Variants in KIF13B observed in about 807,000 individuals in gnomAD.
KIF13B encodes kinesin family member 13B, also known as kinesin-like protein KIF13B.
KIF13B carries 127 observed loss-of-function variants against 222.0 expected under a neutral mutation model. The ratio of observed to expected loss-of-function variants is 0.57; its 90% CI spans 0.50 to 0.66. The LOEUF (loss-of-function observed/expected upper bound fraction) is 0.66. KIF13B is among the 30% of genes least tolerant of loss of function. The pLI is 0.00. For synonymous variants in KIF13B, 976 were observed against 919.0 expected (o/e 1.06, Z -1.12); for missense variants, 2,173 against 2,379.0 (o/e 0.91, Z 1.80).
Position 29,070,551 on chromosome 8 carries a change from C to A in KIF13B, c.5434G>T (p.Asp1812Tyr). 2 of 1,608,856 alleles carry A rather than the reference C, an allele frequency of 1.2e-6. No individual in the cohort carries two copies. Among genetic ancestry groups the A allele is most frequent in the South Asian group, 1.1e-5 (1 of 90,350 alleles). The change falls in exon 40 of 40, where the codon GAC becomes TAC. Residue 1812 changes from aspartate to tyrosine, a missense_variant. Physicochemically the swap from Asp to Tyr is radical, Grantham distance 160. Coordinates refer to ENST00000524189, the MANE Select transcript of KIF13B (RefSeq NM_015254.4). This position sits in a 1 kb window ranked among gnomAD's most constrained non-coding sequence, Gnocchi z 4.1. ...ASLTAALAKA[D>Y]RSHKNPENRK... ...TTCTCAGGGTTCTTGTGGCTCCTGT[C>A]GGCCTTGGCCAGGGCAGCTGTCAGC...
intron 1 of KIF13B, 29 bp downstream of exon 1, chr8:29,262,951 C>G: frequency 6.5e-7 from 1 of 1,547,004 alleles, no homozygotes; most frequent in South Asian, 1.2e-5. Flanking sequence ...CGCCTCCGCC[C>G]CGGCGGCCCA....
intron 18 of KIF13B, among the ~76,000 whole-genome samples, chr8:29,142,994 A>G (rs6998528): frequency 0.83 from 126,156 of 151,972 alleles, 53,008 homozygotes; most frequent in Non-Finnish European, 0.87. Flanking sequence ...TTAGGACCAC[A>G]GGTGCATGCC....
rs910242450 is a variant in KIF13B, at chr8:29,118,088, G to A, written c.3660+780C>T. Among the ~76,000 whole-genome samples, 2 of 151,970 alleles carry A rather than the reference G, an allele frequency of 1.3e-5. 1 individual carries two copies. Among genetic ancestry groups the A allele is most frequent in the African/African-American group, 4.8e-5 (2 of 41,270 alleles). ...CAAGAGGATCACTTGAACCCAGGAG[G>A]CAGAGATTGCAGTGAGCTGAGATCG... On this transcript the variant is annotated intron_variant, in intron 30 of 39. Transcript: ENST00000524189.
intron 2 of KIF13B, among the ~76,000 whole-genome samples, chr8:29,232,953 C>T (rs1234686081): frequency 3.3e-5 from 5 of 152,060 alleles, no homozygotes; most frequent in Non-Finnish European, 5.9e-5. Flanking sequence ...GTCAGGAGTT[C>T]GAGACCAGCC....
chr8:29,156,213 C>T (rs940171907), intron 13 of KIF13B, among the ~76,000 whole-genome samples: 1 of 152,086 alleles, frequency 6.6e-6, no homozygotes, highest in African/African-American at 2.4e-5. Context: ...TCAAGTGATC[C>T]ACCTGTCTTG....
intron 12 of KIF13B, among the ~76,000 whole-genome samples, chr8:29,162,313 T>C (rs1811816574): frequency 6.6e-6 from 1 of 152,232 alleles, no homozygotes; most frequent in African/African-American, 2.4e-5. Context: ...CATCGTAATT[T>C]ATACAATCAC....
At chr8:29,200,159 G>C (rs1813630153) in intron 2 of KIF13B, among the ~76,000 whole-genome samples, 1 of 152,096 alleles carries the variant, frequency 6.6e-6, no homozygotes, top group Non-Finnish European at 1.5e-5. Flanking sequence ...GATTCTGATG[G>C]CTATGACAGT....
At chr8:29,103,997 C>T (rs1001917979) in intron 35 of KIF13B, among the ~76,000 whole-genome samples, 1 of 152,180 alleles carries the variant, frequency 6.6e-6, no homozygotes, top group Non-Finnish European at 1.5e-5. Context: ...GGTCTCCCCC[C>T]ATCCTCACCC....
intron 10 of KIF13B, among the ~76,000 whole-genome samples, chr8:29,170,779 A>G (rs1489097979): frequency 6.6e-6 from 1 of 152,204 alleles, no homozygotes; most frequent in African/African-American, 2.4e-5. Context: ...CACGCCATTA[A>G]AGAATTTGGA....
intron 2 of KIF13B, among the ~76,000 whole-genome samples, chr8:29,206,995 T>C (rs778281367): frequency 9.2e-5 from 14 of 152,124 alleles, no homozygotes; most frequent in Non-Finnish European, 1.9e-4. Context: ...CCTCCTGGTT[T>C]ACCACGCAAC....
intron 35 of KIF13B, among the ~76,000 whole-genome samples, chr8:29,103,974 T>C (rs1311887342): frequency 1.3e-5 from 2 of 152,054 alleles, no homozygotes; most frequent in African/African-American, 4.8e-5. Flanking sequence ...CCCTGCAGCG[T>C]TGCACCTGAA....
rs879120984 is a variant in KIF13B at position 29,072,286 on chromosome 8, C to T, written c.4552G>A (p.Val1518Met). The change falls in exon 39 of 40, where the codon GTG becomes ATG. Residue 1518 changes from valine (V) to methionine (M), a missense_variant. By Grantham distance (21) the Val-to-Met change is conservative (BLOSUM62 1). Around this residue, in one of 2 missense-constraint regions of KIF13B, gnomAD observed 693 missense variants for 656.2 expected, o/e 1.06. Transcript: ENST00000524189. ...AAGGCCGGGGCCCCCATCGTCTGCACCAGCACGTCAGGGCCCATCTCCGGC... is the reference window on the plus strand; with the variant it reads ...AAGGCCGGGGCCCCCATCGTCTGCATCAGCACGTCAGGGCCCATCTCCGGC... ...AQPEMGPDVL[V>M]QTMGAPALKI... The T allele has an allele frequency of 6.8e-7, 1 of 1,462,908 alleles. No individual in the cohort carries two copies. Among genetic ancestry groups the T allele is most frequent in the South Asian group, 1.5e-5 (1 of 68,372 alleles). The allele number at this position is 1,462,908 out of a possible 1,614,324, so 90.6% of individuals were successfully genotyped here.
At chr8:29,249,256 C>T (rs950156957) in intron 1 of KIF13B, among the ~76,000 whole-genome samples, 4 of 151,760 alleles carry the variant, frequency 2.6e-5, no homozygotes, top group Admixed American at 6.6e-5. Flanking sequence ...GGTGAAACCC[C>T]GTCTCTACTA....
chr8:29,255,593 C>A (rs556274541), intron 1 of KIF13B, among the ~76,000 whole-genome samples: 1 of 152,136 alleles, frequency 6.6e-6, no homozygotes, highest in South Asian at 2.1e-4. Flanking sequence ...AAGGTACCTA[C>A]CCCTCCAGGT....
At chr8:29,113,758 T>G (rs1410227400) in intron 31 of KIF13B, among the ~76,000 whole-genome samples, 1 of 152,218 alleles carries the variant, frequency 6.6e-6, no homozygotes, top group African/African-American at 2.4e-5. Flanking sequence ...GCCCACCATG[T>G]ATGACAGGTC....
intron 10 of KIF13B, 88 bp from the exon 11 acceptor site, chr8:29,167,673 A>T: frequency 9.1e-7 from 1 of 1,096,886 alleles, no homozygotes; most frequent in Non-Finnish European, 1.4e-6. Context: ...TGGTGAACAA[A>T]TTTCCCCAGG....
At chr8:29,129,713 C>T (rs1810264719) in intron 24 of KIF13B, among the ~76,000 whole-genome samples, 1 of 152,120 alleles carries the variant, frequency 6.6e-6, no homozygotes, top group African/African-American at 2.4e-5. Context: ...TGTTAGTTGG[C>T]AGCACAGACT....
rs1046421092 is a variant in KIF13B, at chr8:29,071,611, G to A, written c.5218+9C>T. 10 of 1,547,840 alleles carry A rather than the reference G, an allele frequency of 6.5e-6. No homozygotes were observed. In the African/African-American group the frequency reaches 8.2e-5, roughly 13 times the overall value. ...CACCACCCTGGAGCCCGGAGTGCCC[G>A]GTACCCACCTGAGGGCAGGTCGAGC... On this transcript the variant is annotated intron_variant, in intron 39 of 39. Coordinates refer to ENST00000524189, the MANE Select transcript of KIF13B (RefSeq NM_015254.4). This position sits in a 1 kb window ranked among gnomAD's most constrained non-coding sequence, Gnocchi z 4.9.
At chr8:29,111,755 G>A (rs991051542) in intron 32 of KIF13B, among the ~76,000 whole-genome samples, 1 of 152,174 alleles carries the variant, frequency 6.6e-6, no homozygotes, top group Non-Finnish European at 1.5e-5. Context: ...AGCCATCACC[G>A]TTTCTCAACT....
Sources: allele counts gnomAD v4.1 joint callset (sites outside exome capture counted in the v4.1 genomes callset), GRCh38; gene constraint gnomAD v4.1.1; regional missense constraint gnomAD v4.1.1; non-coding constraint Gnocchi (gnomAD v3.1); transcripts MANE v1.5; gene names NCBI Gene and HGNC (gene_info 2026-07-23, HGNC 2026-07-21).